Variants in NBEAL1 observed in about 807,000 individuals in gnomAD.
NBEAL1 encodes neurobeachin-like protein 1.
A neutral mutation model predicts 351.3 loss-of-function variants in NBEAL1; 273 were observed. That is an observed-to-expected ratio of 0.78 (90% CI 0.70 to 0.86). The LOEUF (loss-of-function observed/expected upper bound fraction) is 0.86. Among genes scored for constraint, NBEAL1 ranks in the 40% least tolerant of loss-of-function variants. The pLI, the probability that NBEAL1 is intolerant of heterozygous loss-of-function variation, is 0.00. For synonymous variants in NBEAL1, 1,050 were observed against 1,086.4 expected, an observed-to-expected ratio of 0.97 and a Z score of 0.66; for missense variants, 2,961 against 3,201.3, an observed-to-expected ratio of 0.92 and a Z score of 1.81.
At chr2:203,046,614 T>C (rs571124535) in intron 3 of NBEAL1, among the ~76,000 whole-genome samples, 1 of 152,256 alleles carries the variant, frequency 6.6e-6, no homozygotes, top group East Asian at 1.9e-4. Context: ...AGGGCCTGTC[T>C]TCTGTTTCTT....
intron 52 of NBEAL1, 75 bp from the exon 53 acceptor site, chr2:203,209,086 G>T: frequency 8.5e-7 from 1 of 1,170,418 alleles, no homozygotes; most frequent in Non-Finnish European, 1.2e-6. Flanking sequence ...TCTTTATCTG[G>T]CCCACTCTAC....
chr2:203,145,797 CAAAAAAAAAAA>C (rs56382460), intron 33 of NBEAL1, among the ~76,000 whole-genome samples: 2 of 86,116 alleles, frequency 2.3e-5, no homozygotes, highest in African/African-American at 4.5e-5. Flanking sequence ...GACTCCATCT[CAAAAAAAAAAA>C]AAAAAAAAGA....
intron 41 of NBEAL1, among the ~76,000 whole-genome samples, chr2:203,173,323 T>C (rs953144540): frequency 2.6e-5 from 4 of 152,156 alleles, no homozygotes; most frequent in Admixed American, 2.0e-4. Flanking sequence ...AAGAAGAAGA[T>C]TTTATAGTTC....
chr2:203,028,875 A>G (rs2060904145), intron 2 of NBEAL1, among the ~76,000 whole-genome samples: 1 of 152,152 alleles, frequency 6.6e-6, no homozygotes. Flanking sequence ...AGCAGAAAGT[A>G]TAGAGCATTC....
In NBEAL1 at chr2:203,220,910, A is replaced by T. The variant is rs551734167; in HGVS notation, c.*3556A>T. Among the ~76,000 whole-genome samples, 20 of 152,224 alleles carry T rather than the reference A, an allele frequency of 1.3e-4. No homozygotes were observed. The highest frequency in any genetic ancestry group is 2.5e-4 in the Non-Finnish European group (17 of 68,046). ...CTTTGTTTAGGTCACAGTGCAGTGCATCCTTTTGTAGAAGAAAAAATACCA... is the reference window on the plus strand; with the variant it reads ...CTTTGTTTAGGTCACAGTGCAGTGCTTCCTTTTGTAGAAGAAAAAATACCA... On this transcript the variant is annotated 3_prime_UTR_variant, in exon 56 of 56. Transcript: ENST00000683969.
At chr2:203,081,466 T>C (rs941588569) in intron 8 of NBEAL1, among the ~76,000 whole-genome samples, 4 of 152,244 alleles carry the variant, frequency 2.6e-5, no homozygotes, top group African/African-American at 7.2e-5. Context: ...ACATAATATA[T>C]GTACAGCACT....
chr2:203,209,117 C>A, intron 52 of NBEAL1, 44 bp from the exon 53 acceptor site: 1 of 1,498,068 alleles, frequency 6.7e-7, no homozygotes, highest in Non-Finnish European at 9.2e-7. Context: ...TTTTGCTGTT[C>A]TTTTCCTTTG....
intron 2 of NBEAL1, among the ~76,000 whole-genome samples, chr2:203,020,731 A>G (rs1355797455): frequency 6.6e-6 from 1 of 152,018 alleles, no homozygotes; most frequent in Non-Finnish European, 1.5e-5. Context: ...TTGCCTTCAA[A>G]TGGTTGTCCC....
chr2:203,068,235 G>C (rs1303735708), intron 6 of NBEAL1, among the ~76,000 whole-genome samples, 158 bp from the exon 7 acceptor site: 1 of 152,006 alleles, frequency 6.6e-6, no homozygotes, highest in Non-Finnish European at 1.5e-5. Context: ...TTCAGTTACT[G>C]GCTAGACTTC....
chr2:203,053,043 C>G (rs2061348483), intron 4 of NBEAL1, among the ~76,000 whole-genome samples: 1 of 152,174 alleles, frequency 6.6e-6, no homozygotes, highest in South Asian at 2.1e-4. Flanking sequence ...CTAAAAACAT[C>G]TGTGTGCAGA....
At chr2:203,023,175 A>G (rs1478707211) in intron 2 of NBEAL1, among the ~76,000 whole-genome samples, 1 of 152,242 alleles carries the variant, frequency 6.6e-6, no homozygotes, top group Non-Finnish European at 1.5e-5. Flanking sequence ...ATAATCCTAA[A>G]TAAGTTTTTA....
chr2:203,084,397 G>C (rs2061927559), intron 9 of NBEAL1, 66 bp from the exon 10 acceptor site: 1 of 705,632 alleles, frequency 1.4e-6, no homozygotes, highest in Non-Finnish European at 2.2e-6. Flanking sequence ...AAAATGATTA[G>C]AGTAAATGTT....
chr2:203,173,698 A>G (rs905311572), intron 41 of NBEAL1, among the ~76,000 whole-genome samples: 1 of 152,088 alleles, frequency 6.6e-6, no homozygotes, highest in African/African-American at 2.4e-5. Context: ...AGAAGATTTT[A>G]TAATTCTTTA....
At position 203,016,358 on chromosome 2, in the gene NBEAL1, A is replaced by G. The variant is rs1447833675; in HGVS notation, c.-27A>G. 1 of 1,445,006 alleles carries G rather than the reference A, an allele frequency of 6.9e-7. No homozygotes were observed. The highest frequency in any genetic ancestry group is 9.3e-7 in the Non-Finnish European group (1 of 1,080,350). The allele number at this position is 1,445,006 out of a possible 1,614,324, so 89.5% of individuals were successfully genotyped here. ...CTTGAACATAATTTTTTTAAGGAAA[A>G]CTTAAAGTGCCAGAGTGAAAGCCAG... is the stretch of plus-strand genomic sequence containing the variant. On this transcript the variant is annotated 5_prime_UTR_variant, in exon 2 of 56. Coordinates refer to ENST00000683969, the MANE Select transcript of NBEAL1 (RefSeq NM_001378026.1).
intron 7 of NBEAL1, among the ~76,000 whole-genome samples, chr2:203,076,303 C>G (rs1168672318): frequency 6.6e-6 from 1 of 151,678 alleles, no homozygotes; most frequent in Non-Finnish European, 1.5e-5. Context: ...GACAACATTG[C>G]AAAACCCTGT....
chr2:203,153,946 A>C (rs1346495155), intron 35 of NBEAL1, among the ~76,000 whole-genome samples: 3 of 151,624 alleles, frequency 2.0e-5, no homozygotes, highest in Admixed American at 2.0e-4. Context: ...TTCTCACTTT[A>C]AAAATTTACT....
chr2:203,140,177 C>T (rs1386922896), intron 31 of NBEAL1, among the ~76,000 whole-genome samples: 1 of 151,882 alleles, frequency 6.6e-6, no homozygotes, highest in Admixed American at 6.6e-5. Flanking sequence ...CTGGCGCATG[C>T]CTGTAATTCC....
At chr2:203,018,157 A>G (rs901645219) in intron 2 of NBEAL1, among the ~76,000 whole-genome samples, 2 of 152,038 alleles carry the variant, frequency 1.3e-5, no homozygotes, top group Non-Finnish European at 2.9e-5. Context: ...GAGGATGACT[A>G]CCAAATACTG....
chr2:203,196,229 G>A (rs1323744971), intron 47 of NBEAL1, among the ~76,000 whole-genome samples: 1 of 152,142 alleles, frequency 6.6e-6, no homozygotes, highest in African/African-American at 2.4e-5. Context: ...AGTTCCATCT[G>A]CAGGTGCAGC....
Sources: gnomAD v4.1 joint callset for allele counts (sites outside exome capture counted in the v4.1 genomes callset) on GRCh38, gnomAD v4.1.1 for gene constraint, MANE v1.5 for transcripts, NCBI Gene and HGNC (gene_info 2026-07-23, HGNC 2026-07-21) for gene names.